The following ROS1 variants were observed in gnomAD, a reference collection of about 807,000 sequenced individuals.
The protein encoded by ROS1 is ROS proto-oncogene 1, receptor tyrosine kinase, also known as proto-oncogene tyrosine-protein kinase ROS.
In ROS1, 263 loss-of-function variants were observed where a neutral mutation model predicts 273.5. The ratio of observed to expected loss-of-function variants is 0.96; its 90% CI spans 0.87 to 1.06. ROS1 has a LOEUF of 1.06. Among genes scored for constraint, ROS1 ranks in the 50% least tolerant of loss-of-function variants. The pLI is 0.00. For synonymous variants in ROS1, 1,008 were observed against 954.1 expected, an observed-to-expected ratio of 1.06 and a Z score of -1.04; for missense variants, 2,833 against 2,751.1, an observed-to-expected ratio of 1.03 and a Z score of -0.67.
At chr6:117,401,819 A>AC (rs1773966994) in intron 7 of ROS1, among the ~76,000 whole-genome samples, 2 of 151,476 alleles carry the variant, frequency 1.3e-5, no homozygotes, top group African/African-American at 4.8e-5. Flanking sequence ...AAAAAAAAAA[A>AC]AAAAACAGGA....
chr6:117,365,033 A>G (rs1780095295), intron 21 of ROS1, 27 bp downstream of exon 21: 2 of 1,601,904 alleles, frequency 1.2e-6, no homozygotes, highest in Non-Finnish European at 8.5e-7. Flanking sequence ...CTTTTTTAAG[A>G]AAAAAGACAG....
chr6:117,398,098 T>G (rs188024248), intron 7 of ROS1, among the ~76,000 whole-genome samples: 140 of 152,248 alleles, frequency 9.2e-4, no homozygotes, highest in African/African-American at 3.1e-3. Context: ...CTCCATGTAG[T>G]CAGTCACCAT....
chr6:117,383,632 T>C (rs943071901), intron 16 of ROS1, 124 bp from the exon 17 acceptor site: 6 of 780,178 alleles, frequency 7.7e-6, no homozygotes, highest in Admixed American at 6.0e-5. Flanking sequence ...CAAATAGTGA[T>C]TGGCACTATG....
intron 3 of ROS1, among the ~76,000 whole-genome samples, chr6:117,415,748 C>G (rs575917521): frequency 2.0e-5 from 3 of 152,238 alleles, no homozygotes; most frequent in African/African-American, 7.2e-5. Flanking sequence ...TAGACACCTA[C>G]TATATTTCCT....
At chr6:117,421,308 A>G (rs151317210) in intron 1 of ROS1, among the ~76,000 whole-genome samples, 8 of 151,134 alleles carry the variant, frequency 5.3e-5, no homozygotes, top group Admixed American at 1.3e-4. Context: ...TTTTGGTTAC[A>G]TGGATAAATT....
At chr6:117,319,826 A>T (rs2128558370) in intron 37 of ROS1, 42 bp downstream of exon 37, 1 of 1,556,004 alleles carries the variant, frequency 6.4e-7, no homozygotes. Flanking sequence ...CTTTGTAGAT[A>T]TGGTGATATA....
chr6:117,406,578 T>C (rs1774422319), intron 5 of ROS1, among the ~76,000 whole-genome samples: 1 of 152,226 alleles, frequency 6.6e-6, no homozygotes, highest in Non-Finnish European at 1.5e-5. Flanking sequence ...AAGTTGGTAA[T>C]ATAATTTTAG....
At chr6:117,313,068 G>A (rs1014500734) in intron 39 of ROS1, among the ~76,000 whole-genome samples, 1 of 152,052 alleles carries the variant, frequency 6.6e-6, no homozygotes. Context: ...CTGTAGACTT[G>A]TGTCTGTAGA....
chr6:117,309,957 A>T, intron 41 of ROS1, 124 bp downstream of exon 41: 1 of 868,670 alleles, frequency 1.2e-6, no homozygotes, highest in Non-Finnish European at 1.8e-6. Context: ...GCTTGAGGCA[A>T]ATCACTTAAT....
intron 4 of ROS1, among the ~76,000 whole-genome samples, chr6:117,413,981 G>A (rs1419460795): frequency 6.6e-6 from 1 of 151,566 alleles, no homozygotes; most frequent in Non-Finnish European, 1.5e-5. Context: ...ACTGTGAGAA[G>A]AAAGAAAGAA....
In ROS1 at chr6:117,317,279, G is replaced by A. The variant is rs751572382; in HGVS notation, c.5988-7C>T. On this transcript the variant is annotated splice_region_variant and splice_polypyrimidine_tract_variant and intron_variant, in intron 38 of 43. Coordinates refer to ENST00000368507, the MANE Select transcript of ROS1 (RefSeq NM_001378902.1). ...GTTGGGATGATTAAATTTGCTGAAA[G>A]GTGGAAAGACACAGGCTGGATGATA... 6.2e-7 allele frequency: 1 copy of A among 1,610,536 alleles called. No individual in the cohort carries two copies. The highest frequency in any genetic ancestry group is 1.1e-5 in the South Asian group (1 of 90,324).
At chr6:117,325,341 T>G (rs1465830632) in intron 34 of ROS1, among the ~76,000 whole-genome samples, 1 of 152,138 alleles carries the variant, frequency 6.6e-6, no homozygotes, top group Non-Finnish European at 1.5e-5. Flanking sequence ...AGTGGGGACC[T>G]GTATTCTAGG....
chr6:117,416,816 C>T (rs562978073), intron 2 of ROS1, among the ~76,000 whole-genome samples: 4 of 152,140 alleles, frequency 2.6e-5, no homozygotes, highest in Non-Finnish European at 5.9e-5. Flanking sequence ...GCCCTGAAAA[C>T]CCTGAGTTGC....
At chr6:117,412,513 A>G (rs1718451329) in intron 4 of ROS1, among the ~76,000 whole-genome samples, 1 of 152,114 alleles carries the variant, frequency 6.6e-6, no homozygotes, top group Admixed American at 6.5e-5. Flanking sequence ...CAAGCTTCCT[A>G]CGTTCAAACA....
At chr6:117,293,459 A>G (rs544535271) in intron 43 of ROS1, among the ~76,000 whole-genome samples, 12 of 152,332 alleles carry the variant, frequency 7.9e-5, no homozygotes, top group Non-Finnish European at 1.5e-4. Context: ...ATATGCACAT[A>G]CAATATCTGC....
rs745485549 is a variant in ROS1 at position 117,318,230 on chromosome 6, T to A, written c.5945A>T (p.Asp1982Val). 7 of 1,612,936 alleles carry A rather than the reference T, an allele frequency of 4.3e-6. No homozygotes were observed. The highest frequency in any genetic ancestry group is 5.1e-6 in the Non-Finnish European group (6 of 1,179,278). The change falls in exon 38 of 44, where the codon GAC becomes GTC. Residue 1982 changes from aspartate to valine, a missense_variant. By Grantham distance (152) the Asp-to-Val change is radical. Coordinates refer to ENST00000368507, the MANE Select transcript of ROS1 (RefSeq NM_001378902.1). ...AVKTLKKGST[D>V]QEKIEFLKEA... ...CTTCAGGAATTCAATCTTCTCCTGGTCTGTGGAACCCTTCTTCAAAGTCTA... is the reference window on the plus strand; with the variant it reads ...CTTCAGGAATTCAATCTTCTCCTGGACTGTGGAACCCTTCTTCAAAGTCTA...
Position 117,296,621 on chromosome 6 carries a change from G to A in ROS1, c.6715+4353C>T, listed in dbSNP as rs537423259. Among the ~76,000 whole-genome samples, 7 of 152,212 alleles carry A rather than the reference G, an allele frequency of 4.6e-5. No individual in the cohort carries two copies. The South Asian group carries it at 1.5e-3, about 32-fold the overall frequency. ...AAATCAAAACGATTGAACCCATGGA[G>A]ACAGAGAGTAGAAGGATGGTTACCA... On this transcript the variant is annotated intron_variant, in intron 43 of 43. Transcript: ENST00000368507.
chr6:117,317,726 C>T (rs1246857161), intron 38 of ROS1, among the ~76,000 whole-genome samples: 2 of 152,130 alleles, frequency 1.3e-5, no homozygotes, highest in South Asian at 2.1e-4. Flanking sequence ...AGCTTGAGAC[C>T]CAATCAACCA....
intron 39 of ROS1, among the ~76,000 whole-genome samples, chr6:117,315,248 G>C (rs1013978031): frequency 6.6e-6 from 1 of 151,902 alleles, no homozygotes; most frequent in Non-Finnish European, 1.5e-5. Flanking sequence ...AAATAGGAGA[G>C]AGCAGCTAAT....
Sources: allele counts gnomAD v4.1 joint callset (sites outside exome capture counted in the v4.1 genomes callset), GRCh38; gene constraint gnomAD v4.1.1; transcripts MANE v1.5; gene names NCBI Gene and HGNC (gene_info 2026-07-23, HGNC 2026-07-21).